The following CPSF2 variants were observed in gnomAD, a reference collection of about 807,000 sequenced individuals.
The protein encoded by CPSF2 is cleavage and polyadenylation specificity factor subunit 2.
Under a neutral mutation model 84.2 loss-of-function variants are expected in CPSF2, and 51 were observed. That is an observed-to-expected ratio of 0.61 (90% CI 0.48 to 0.77). CPSF2 has a LOEUF of 0.77. CPSF2 is among the 30% of genes least tolerant of loss of function. CPSF2 has a pLI of 0.00. For synonymous variants in CPSF2, 286 were observed against 311.9 expected (o/e 0.92, Z 0.87); for missense variants, 641 against 929.4 (o/e 0.69, Z 4.03).
intron 3 of CPSF2, 92 bp from the exon 4 acceptor site, chr14:92,133,919 T>C (rs2068967049): frequency 1.5e-6 from 2 of 1,316,770 alleles, no homozygotes; most frequent in African/African-American, 1.5e-5. Context: ...CCCAGTGTAG[T>C]CTTCAATCCA....
rs945103132 is a variant in CPSF2, at chr14:92,169,390, T to A, written c.*7646T>A. On this transcript the variant is annotated 3_prime_UTR_variant, in exon 16 of 16. Coordinates refer to ENST00000298875, the MANE Select transcript of CPSF2 (RefSeq NM_017437.3). ...ACATTTGCTACCGTGGTTGATTTTT[T>A]AATTTTACATTAACTATTTAATATC... 7 of 151,558 alleles carry A rather than the reference T, an allele frequency of 4.6e-5. No homozygotes were observed. Among genetic ancestry groups the A allele is most frequent in the African/African-American group, 9.7e-5 (4 of 41,090 alleles). 9.4% of individuals were successfully genotyped at this position (151,558 alleles called of 1,614,324 possible).
At chr14:92,151,049 C>G (rs2069208750) in intron 9 of CPSF2, among the ~76,000 whole-genome samples, 1 of 152,002 alleles carries the variant, frequency 6.6e-6, no homozygotes, top group Non-Finnish European at 1.5e-5. Flanking sequence ...TCCAAATAAC[C>G]AATTAATTAT....
chr14:92,131,780 A>G (rs1050679153), intron 3 of CPSF2, among the ~76,000 whole-genome samples: 2 of 151,918 alleles, frequency 1.3e-5, no homozygotes, highest in African/African-American at 4.8e-5. Context: ...CAGAGATTGC[A>G]CTGAGCCGAG....
chr14:92,156,570 G>T lies in CPSF2; in HGVS notation c.1534G>T (p.Asp512Tyr). 2 of 1,611,626 alleles carry T rather than the reference G, an allele frequency of 1.2e-6. No homozygotes were observed. Among genetic ancestry groups the T allele is most frequent in the South Asian group, 2.2e-5 (2 of 90,960 alleles). ...SGLTNGDEPM[D>Y]QDLSDVPTKC... is the part of the protein sequence containing the mutation. ...TTTGACAAATGGAGATGAACCTATG[G>T]ATCAGGATTTATCTGATGTTCCTAC... Residue 512 changes from aspartate to tyrosine, a missense_variant, in exon 12 of 16, where the codon GAT becomes TAT. Around this residue, in one of 2 missense-constraint regions of CPSF2, gnomAD observed 430 missense variants for 553.6 expected, o/e 0.78. Coordinates refer to ENST00000298875, the MANE Select transcript of CPSF2 (RefSeq NM_017437.3).
intron 1 of CPSF2, among the ~76,000 whole-genome samples, chr14:92,122,882 T>C (rs1183335199): frequency 1.3e-5 from 2 of 150,372 alleles, no homozygotes; most frequent in Non-Finnish European, 3.0e-5. Flanking sequence ...AAAGACGGGG[T>C]TTCACTATGT....
chr14:92,155,123 G>A lies in CPSF2; in HGVS notation c.1242G>A (p.Glu414=), dbSNP rs761802626. Residue 414 remains glutamate (E), a splice_region_variant and synonymous_variant, in exon 11 of 16, where the codon GAG becomes GAA. Transcript: ENST00000298875. ...TTGATCTATTCTAAAATCCTCCTAG[G>A]GCAGATATAGATTCCAGTGATGAGA... ...EAAKKLEQSK[E]ADIDSSDESD... 62 of 1,608,088 alleles carry A rather than the reference G, an allele frequency of 3.9e-5. No individual in the cohort carries two copies. The Admixed American group carries it at 1.0e-3, about 26-fold the overall frequency.
At chr14:92,124,337 C>T (rs1030844428) in intron 1 of CPSF2, among the ~76,000 whole-genome samples, 5 of 152,052 alleles carry the variant, frequency 3.3e-5, no homozygotes, top group African/African-American at 7.3e-5. Context: ...AACAGAAAAA[C>T]TAGATGAAAG....
In CPSF2 at chr14:92,138,271, T is replaced by A; in HGVS notation, c.585T>A (p.Pro195=). 6.2e-7 allele frequency: 1 copy of A among 1,607,238 alleles called. No homozygotes were observed. Among genetic ancestry groups the A allele is most frequent in the African/African-American group, 1.3e-5 (1 of 74,608 alleles). ...NGCSLEMLSR[P]SLLITDSFNA... ...GTTCCCTGGAAATGCTAAGCAGGCC[T>A]TCCCTACTTATCACAGATTCATTCA... is the stretch of plus-strand genomic sequence containing the variant. Residue 195 remains proline, a synonymous_variant, in exon 7 of 16, where the codon CCT becomes CCA. Transcript: ENST00000298875.
chr14:92,142,945 A>C (rs1396324688), intron 8 of CPSF2, 59 bp from the exon 9 acceptor site: 37 of 1,368,254 alleles, frequency 2.7e-5, no homozygotes, highest in Non-Finnish European at 3.3e-5. Flanking sequence ...ACTATTAGAG[A>C]ATATATTGAA....
intron 9 of CPSF2, among the ~76,000 whole-genome samples, chr14:92,144,912 T>C (rs931229296): frequency 2.0e-5 from 3 of 152,212 alleles, no homozygotes; most frequent in African/African-American, 7.2e-5. Flanking sequence ...GAGTCAGGAA[T>C]TCCTTTATCT....
chr14:92,158,640 T>A (rs896208026), intron 13 of CPSF2, among the ~76,000 whole-genome samples: 6 of 152,178 alleles, frequency 3.9e-5, no homozygotes, highest in African/African-American at 1.4e-4. Flanking sequence ...ATAAGAATCA[T>A]CTGGGGAGCT....
intron 9 of CPSF2, among the ~76,000 whole-genome samples, chr14:92,152,604 A>C (rs1171803864): frequency 6.7e-6 from 1 of 149,590 alleles, no homozygotes; most frequent in Non-Finnish European, 1.5e-5. Context: ...ATGCCTGGCT[A>C]CTTTTTATAT....
chr14:92,161,626 A>C, intron 15 of CPSF2, 26 bp from the exon 16 acceptor site: 1 of 1,514,186 alleles, frequency 6.6e-7, no homozygotes. Flanking sequence ...AAATGTACTA[A>C]AGAATTTTTT....
At chr14:92,145,689 A>C (rs1290724371) in intron 9 of CPSF2, among the ~76,000 whole-genome samples, 1 of 152,230 alleles carries the variant, frequency 6.6e-6, no homozygotes, top group Non-Finnish European at 1.5e-5. Context: ...GAAAATTTTA[A>C]TTACTAGAAA....
At chr14:92,149,829 G>A (rs1395343228) in intron 9 of CPSF2, among the ~76,000 whole-genome samples, 1 of 150,708 alleles carries the variant, frequency 6.6e-6, no homozygotes, top group East Asian at 2.0e-4. Context: ...CTGATTTTTT[G>A]TAGTTTTAGT....
intron 6 of CPSF2, among the ~76,000 whole-genome samples, chr14:92,137,609 C>T (rs2141460127): frequency 6.6e-6 from 1 of 152,228 alleles, no homozygotes; most frequent in South Asian, 2.1e-4. Flanking sequence ...TGCTGGAAAG[C>T]CTTTTAGCAG....
In CPSF2 at chr14:92,161,679, G is replaced by C; in HGVS notation, c.2284G>C (p.Gly762Arg). 1.9e-6 allele frequency: 3 copies of C among 1,595,096 alleles called. No individual in the cohort carries two copies. Among genetic ancestry groups the C allele is most frequent in the Non-Finnish European group, 2.6e-6 (3 of 1,174,406 alleles). The change falls in exon 16 of 16, where the codon GGC (glycine) becomes CGC (arginine). Residue 762 changes from glycine (G) to arginine (R), a missense_variant. Transcript: ENST00000298875. ...RTETGRIGLE[G>R]CLCQDFYRIR... is the part of the protein sequence containing the mutation. ...GGAAACTGGACGCATTGGATTAGAA[G>C]GCTGCCTTTGTCAAGATTTTTATAG...
At chr14:92,132,372 C>T (rs974870859) in intron 3 of CPSF2, among the ~76,000 whole-genome samples, 5 of 151,734 alleles carry the variant, frequency 3.3e-5, no homozygotes, top group African/African-American at 7.3e-5. Context: ...TGACCTCAGG[C>T]GATCCACCTA....
Position 92,166,598 on chromosome 14 carries a change from C to T in CPSF2, c.*4854C>T, listed in dbSNP as rs2069450513. ...AACTTCCAGACTCAAACAATACTCCCACTTTGGCTGCCCAAAGTGCTGGGA... is the reference window on the plus strand; with the variant it reads ...AACTTCCAGACTCAAACAATACTCCTACTTTGGCTGCCCAAAGTGCTGGGA... On this transcript the variant is annotated 3_prime_UTR_variant, in exon 16 of 16. Transcript: ENST00000298875. The T allele has an allele frequency of 6.6e-6, 1 of 152,142 alleles. No individual in the cohort carries two copies. The highest frequency in any genetic ancestry group is 2.1e-4 in the South Asian group (1 of 4,828). The allele number at this position is 152,142 out of a possible 1,614,324, so 9.4% of individuals were successfully genotyped here.
Sources: allele counts gnomAD v4.1 joint callset (sites outside exome capture counted in the v4.1 genomes callset), GRCh38; gene constraint gnomAD v4.1.1; regional missense constraint gnomAD v4.1.1; transcripts MANE v1.5; gene names NCBI Gene and HGNC (gene_info 2026-07-23, HGNC 2026-07-21).